IQGAP2: variants seen among roughly 807,000 people sequenced by gnomAD.
The protein encoded by IQGAP2 is IQ motif containing GTPase activating protein 2, also known as ras GTPase-activating-like protein IQGAP2.
Under a neutral mutation model 201.3 loss-of-function variants are expected in IQGAP2, and 173 were observed. The observed-to-expected ratio is 0.86, with a 90% CI of 0.76 to 0.98. The LOEUF (loss-of-function observed/expected upper bound fraction) is 0.98. Among genes scored for constraint, IQGAP2 ranks in the 50% least tolerant of loss-of-function variants. The pLI is 0.00. For missense variants in IQGAP2, 1,687 were observed against 1,864.8 expected (o/e 0.90, Z 1.76); for synonymous variants, 675 against 673.9 (o/e 1.00, Z -0.03).
At chr5:76,667,778 C>A (rs1743912096) in intron 22 of IQGAP2, among the ~76,000 whole-genome samples, 1 of 151,330 alleles carries the variant, frequency 6.6e-6, no homozygotes, top group African/African-American at 2.4e-5. Context: ...TAAATGTATT[C>A]TTTTCTTTTT....
chr5:76,606,332 C>T (rs1012488246), intron 12 of IQGAP2, 29 bp downstream of exon 12: 1 of 1,539,980 alleles, frequency 6.5e-7, no homozygotes, highest in Non-Finnish European at 8.8e-7. Context: ...CCTTCTCTAG[C>T]ATAGTGGGAG....
At chr5:76,637,325 A>T in intron 16 of IQGAP2, 149 bp downstream of exon 16, 1 of 597,548 alleles carries the variant, frequency 1.7e-6, no homozygotes, top group Non-Finnish European at 2.7e-6. Context: ...CTGCAGTTGA[A>T]TGTGGCTGCA....
intron 3 of IQGAP2, among the ~76,000 whole-genome samples, chr5:76,568,410 A>G (rs1196787109): frequency 6.6e-6 from 1 of 152,206 alleles, no homozygotes; most frequent in Non-Finnish European, 1.5e-5. Context: ...AATACCTTCC[A>G]TATATTCTCA....
chr5:76,446,692 A>T (rs535889561), intron 1 of IQGAP2, among the ~76,000 whole-genome samples: 19 of 152,356 alleles, frequency 1.2e-4, no homozygotes, highest in African/African-American at 3.8e-4. Context: ...GTTTAGAACC[A>T]AATGGCTTTT....
At position 76,606,253 on chromosome 5, in the gene IQGAP2, T is replaced by A. The variant is rs1747794897; in HGVS notation, c.1307T>A (p.Ile436Asn). The A allele has an allele frequency of 6.2e-7, 1 of 1,605,776 alleles. No homozygotes were observed. The highest frequency in any genetic ancestry group is 8.5e-7 in the Non-Finnish European group (1 of 1,175,138). Residue 436 changes from isoleucine to asparagine, a missense_variant, in exon 12 of 36, where the codon ATT (isoleucine) becomes AAT (asparagine). By Grantham distance (149) the Ile-to-Asn change is moderately radical. Coordinates refer to ENST00000274364, the MANE Select transcript of IQGAP2 (RefSeq NM_006633.5). ...CAAGATAACTTAAGCTGGAATGAAATTCAGAATTGTATTGATATGGTTAAT... is the reference window on the plus strand; with the variant it reads ...CAAGATAACTTAAGCTGGAATGAAAATCAGAATTGTATTGATATGGTTAAT... ...QGQDNLSWNE[I>N]QNCIDMVNAQ...
chr5:76,668,439 T>C (rs1428649575), intron 22 of IQGAP2, among the ~76,000 whole-genome samples: 1 of 151,584 alleles, frequency 6.6e-6, no homozygotes, highest in East Asian at 1.9e-4. Context: ...GATAGGAAGC[T>C]AAAGTAGAAA....
intron 18 of IQGAP2, among the ~76,000 whole-genome samples, chr5:76,653,093 G>T (rs139916938): frequency 6.6e-6 from 1 of 152,196 alleles, no homozygotes; most frequent in Admixed American, 6.5e-5. Flanking sequence ...ACCAATAAAT[G>T]TTCTTTGTCT....
chr5:76,685,974 C>CT (rs1309908352), intron 30 of IQGAP2, among the ~76,000 whole-genome samples: 2 of 152,180 alleles, frequency 1.3e-5, no homozygotes, highest in Non-Finnish European at 2.9e-5. Flanking sequence ...AGTCTGCACT[C>CT]TATGTCTTTG....
At chr5:76,684,202 A>G (rs776359351) in intron 30 of IQGAP2, among the ~76,000 whole-genome samples, 3 of 152,210 alleles carry the variant, frequency 2.0e-5, no homozygotes, top group Non-Finnish European at 2.9e-5. Context: ...GCAAGTCCTT[A>G]GGTAACTGAA....
chr5:76,698,232 G>A (rs570871121), intron 33 of IQGAP2, 85 bp downstream of exon 33: 1 of 1,056,548 alleles, frequency 9.5e-7, no homozygotes, highest in South Asian at 1.7e-5. Flanking sequence ...GTTGGGTTGG[G>A]TATGGAAGAA....
intron 13 of IQGAP2, chr5:76,617,598 G>A: frequency 1.2e-6 from 2 of 1,611,838 alleles, no homozygotes; most frequent in Non-Finnish European, 1.7e-6. Flanking sequence ...TGTAAGGTAA[G>A]CAGTGGAGTG....
intron 2 of IQGAP2, among the ~76,000 whole-genome samples, chr5:76,535,103 G>T (rs1382109029): frequency 6.6e-6 from 1 of 152,162 alleles, no homozygotes; most frequent in African/African-American, 2.4e-5. Context: ...GGACCTCAGG[G>T]CCTAGGTCCA....
rs551685224 is a variant in IQGAP2 at position 76,528,882 on chromosome 5, G to A, written c.147-33514G>A. On this transcript the variant is annotated intron_variant, in intron 2 of 35. Coordinates refer to ENST00000274364, the MANE Select transcript of IQGAP2 (RefSeq NM_006633.5). ...TTGAAGGGCTATTCTATAGACAGGA[G>A]TAAAGCCTGTTCAGAGATGTTCTAA... Among the ~76,000 whole-genome samples the A allele has an allele frequency of 1.5e-3, 231 of 152,318 alleles. 1 individual carries two copies. The highest frequency in any genetic ancestry group is 3.5e-3 in the South Asian group (17 of 4,826).
In IQGAP2 at chr5:76,606,228, C is replaced by A. The variant is rs137988082; in HGVS notation, c.1282C>A (p.Gln428Lys). The change falls in exon 12 of 36, where the codon CAA becomes AAA. Residue 428 changes from glutamine (Q) to lysine (K), a missense_variant. Transcript: ENST00000274364. The part of the protein sequence containing the change: ...SVKLEVLSQG[Q>K]DNLSWNEIQN... ...TAAACTAGAAGTTTTATCCCAAGGGCAAGATAACTTAAGCTGGAATGAAAT... is the reference window on the plus strand; with the variant it reads ...TAAACTAGAAGTTTTATCCCAAGGGAAAGATAACTTAAGCTGGAATGAAAT... 2.5e-6 allele frequency: 4 copies of A among 1,604,352 alleles called. No homozygotes were observed. The highest frequency in any genetic ancestry group is 3.4e-6 in the Non-Finnish European group (4 of 1,173,534).
intron 22 of IQGAP2, among the ~76,000 whole-genome samples, chr5:76,668,025 G>T (rs990657670): frequency 6.6e-6 from 1 of 151,592 alleles, no homozygotes; most frequent in Non-Finnish European, 1.5e-5. Flanking sequence ...GACTGCATGC[G>T]CACACCACCA....
chr5:76,446,864 A>C (rs1297355304), intron 1 of IQGAP2, among the ~76,000 whole-genome samples: 1 of 152,234 alleles, frequency 6.6e-6, no homozygotes, highest in East Asian at 1.9e-4. Flanking sequence ...GGGAAAAAAC[A>C]GATGGAATGA....
At position 76,658,579 on chromosome 5, in the gene IQGAP2, A is replaced by G. The variant is rs1258784165; in HGVS notation, c.2441A>G (p.Lys814Arg). Reference protein sequence around the residue: ...VARLREEVVTKIRANQQLEKD... With the variant: ...VARLREEVVTRIRANQQLEKD... ...CGATTAAGGGAAGAAGTAGTGACCAAGATCAGGGCCAATCAACAGCTGGAA... is the reference window on the plus strand; with the variant it reads ...CGATTAAGGGAAGAAGTAGTGACCAGGATCAGGGCCAATCAACAGCTGGAA... Residue 814 changes from lysine to arginine, a missense_variant, in exon 21 of 36, where the codon AAG (lysine) becomes AGG (arginine). Physicochemically the swap from Lys to Arg is conservative, Grantham distance 26. Coordinates refer to ENST00000274364, the MANE Select transcript of IQGAP2 (RefSeq NM_006633.5). 1 of 1,614,090 alleles carries G rather than the reference A, an allele frequency of 6.2e-7. No homozygotes were observed.
In IQGAP2 at chr5:76,683,272, G is replaced by C. The variant is rs1019716037; in HGVS notation, c.3763+55G>C. The C allele has an allele frequency of 7.3e-6, 9 of 1,229,560 alleles. No individual in the cohort carries two copies. In the African/African-American group the frequency reaches 1.2e-4, roughly 17 times the overall value. 76.2% of individuals were successfully genotyped at this position (1,229,560 alleles called of 1,614,324 possible). ...TGGTTTTTGTTTAATTGGGTGGGTT[G>C]GTTGGTTGGTTCGTTGGTTTTCCTA... is the stretch of plus-strand genomic sequence containing the variant. On this transcript the variant is annotated intron_variant, in intron 29 of 35. Transcript: ENST00000274364.
intron 13 of IQGAP2, chr5:76,617,699 T>C: frequency 1.9e-6 from 3 of 1,614,086 alleles, no homozygotes; most frequent in Non-Finnish European, 2.5e-6. Context: ...ATATAAAATA[T>C]AAGCCATCAG....
Sources: gnomAD v4.1 joint callset for allele counts (sites outside exome capture counted in the v4.1 genomes callset) on GRCh38, gnomAD v4.1.1 for gene constraint, MANE v1.5 for transcripts, NCBI Gene and HGNC (gene_info 2026-07-23, HGNC 2026-07-21) for gene names.